DLEU7: variants seen among roughly 807,000 people sequenced by gnomAD.
DLEU7 encodes leukemia-associated protein 7.
Under a neutral mutation model 16.0 loss-of-function variants are expected in DLEU7, and 17 were observed. The observed-to-expected ratio is 1.06, with a 90% CI of 0.73 to 1.59. The LOEUF (loss-of-function observed/expected upper bound fraction) is 1.59. DLEU7 is among the 40% of genes most tolerant of loss of function. DLEU7 has a pLI of 0.00. For missense variants in DLEU7, 308 were observed against 314.9 expected, an observed-to-expected ratio of 0.98 and a Z score of 0.17; for synonymous variants, 113 against 139.8, an observed-to-expected ratio of 0.81 and a Z score of 1.35.
At chr13:50,781,708 T>A (rs1875653736) in intron 1 of DLEU7, among the ~76,000 whole-genome samples, 1 of 152,170 alleles carries the variant, frequency 6.6e-6, no homozygotes, top group South Asian at 2.1e-4. Context: ...CCGGGAAGAC[T>A]CCTATCTGTC....
chr13:50,828,190 ACTAATCACAAG>A (rs964738559), intron 1 of DLEU7, among the ~76,000 whole-genome samples: 1 of 152,226 alleles, frequency 6.6e-6, no homozygotes, highest in African/African-American at 2.4e-5. Flanking sequence ...ACTGAAAAAC[ACTAATCACAAG>A]CTTGAGCCAA....
At chr13:50,713,907 A>G (rs1873364907) in intron 1 of DLEU7, among the ~76,000 whole-genome samples, 1 of 152,210 alleles carries the variant, frequency 6.6e-6, no homozygotes. Flanking sequence ...AAAACGACCC[A>G]GACTCTGCCC....
intron 1 of DLEU7, among the ~76,000 whole-genome samples, chr13:50,721,306 G>C (rs1873603777): frequency 6.6e-6 from 1 of 152,152 alleles, no homozygotes; most frequent in Admixed American, 6.5e-5. Context: ...CCTACTTTTG[G>C]GGTTTTGGGA....
intron 1 of DLEU7, among the ~76,000 whole-genome samples, chr13:50,824,222 G>A (rs562872532): frequency 6.6e-6 from 1 of 152,276 alleles, no homozygotes; most frequent in East Asian, 1.9e-4. Context: ...TTCCCAGGTA[G>A]TTTAAAAGAA....
chr13:50,791,999 A>G (rs1875972572), intron 1 of DLEU7, among the ~76,000 whole-genome samples: 1 of 152,070 alleles, frequency 6.6e-6, no homozygotes. Flanking sequence ...AATCTCTTAC[A>G]TTTTTTTAGG....
chr13:50,717,701 T>A (rs1873479142), intron 1 of DLEU7, among the ~76,000 whole-genome samples: 1 of 152,092 alleles, frequency 6.6e-6, no homozygotes, highest in African/African-American at 2.4e-5. Flanking sequence ...ACTGAGAATC[T>A]GATAGCATAG....
intron 1 of DLEU7, among the ~76,000 whole-genome samples, chr13:50,839,553 T>G (rs1378044268): frequency 6.6e-6 from 1 of 152,202 alleles, no homozygotes; most frequent in East Asian, 1.9e-4. Flanking sequence ...GGTGGATTGA[T>G]CAGTGAGTCA....
upstream of DLEU7, chr13:50,843,738 A>C: frequency 7.0e-7 from 1 of 1,437,550 alleles, no homozygotes; most frequent in Non-Finnish European, 9.1e-7. The surrounding 1 kb of genome is among the most constrained non-coding windows in gnomAD (Gnocchi z 5.7). Context: ...CACATTTTCT[A>C]ACCCGCGGCT....
intron 1 of DLEU7, among the ~76,000 whole-genome samples, chr13:50,797,741 A>G (rs1876142518): frequency 6.6e-6 from 1 of 152,188 alleles, no homozygotes; most frequent in African/African-American, 2.4e-5. Flanking sequence ...TGCGGAGTAC[A>G]CTGAATATCC....
intron 1 of DLEU7, among the ~76,000 whole-genome samples, chr13:50,795,285 C>G (rs73495683): frequency 6.6e-6 from 1 of 152,134 alleles, no homozygotes; most frequent in Non-Finnish European, 1.5e-5. Context: ...CCAACTTTAC[C>G]TGTGAGATCA....
intron 1 of DLEU7, among the ~76,000 whole-genome samples, chr13:50,794,276 T>G (rs533114077): frequency 1.3e-5 from 2 of 150,086 alleles, no homozygotes; most frequent in Non-Finnish European, 2.9e-5. Flanking sequence ...AGAGTTTACA[T>G]TTTTAAAAAA....
chr13:50,780,759 G>C (rs1050036356), intron 1 of DLEU7, among the ~76,000 whole-genome samples: 1 of 152,176 alleles, frequency 6.6e-6, no homozygotes, highest in Non-Finnish European at 1.5e-5. Flanking sequence ...GGTGGAGAAG[G>C]CCTGTGGTCA....
At chr13:50,788,967 C>T (rs1245528682) in intron 1 of DLEU7, among the ~76,000 whole-genome samples, 1 of 152,062 alleles carries the variant, frequency 6.6e-6, no homozygotes, top group African/African-American at 2.4e-5. Flanking sequence ...CTAGGAAGTC[C>T]GCAGCCGAGT....
downstream of DLEU7, chr13:50,822,636 T>A: frequency 2.0e-6 from 2 of 984,400 alleles, no homozygotes; most frequent in Non-Finnish European, 2.4e-6. Context: ...CTTTTCCACA[T>A]GAGACTTTAA....
intron 1 of DLEU7, among the ~76,000 whole-genome samples, chr13:50,731,491 C>A (rs1014564890): frequency 6.6e-6 from 1 of 152,126 alleles, no homozygotes; most frequent in African/African-American, 2.4e-5. Flanking sequence ...ATTGTGATAA[C>A]ATATTTCTCC....
chr13:50,752,900 G>GC (rs1280897026), intron 1 of DLEU7, among the ~76,000 whole-genome samples: 1 of 152,056 alleles, frequency 6.6e-6, no homozygotes, highest in African/African-American at 2.4e-5. Flanking sequence ...CTCTTATCTG[G>GC]CCCCACCCAC....
chr13:50,767,937 G>T lies in DLEU7; in HGVS notation c.460-54697C>A, dbSNP rs533825695. Among the ~76,000 whole-genome samples, 7 of 152,284 alleles carry T rather than the reference G, an allele frequency of 4.6e-5. 1 individual carries two copies. The East Asian group carries it at 1.2e-3, about 25-fold the overall frequency. ...GTGAGAACCATGTCAGCAGTCCCAC[G>T]GGACAAACACTTCTGCCATTCTGTG... On this transcript the variant is annotated intron_variant, in intron 1 of 1. Transcript: ENST00000400393.
intron 1 of DLEU7, among the ~76,000 whole-genome samples, chr13:50,795,593 TA>T (rs1254667668): frequency 6.6e-5 from 10 of 152,334 alleles, no homozygotes; most frequent in African/African-American, 2.4e-4. Flanking sequence ...TTTCTAAATT[TA>T]AACTGTACTT....
chr13:50,800,459 G>A (rs6561593), intron 1 of DLEU7, among the ~76,000 whole-genome samples: 27,577 of 151,948 alleles, frequency 0.18, 4,291 homozygotes, highest in African/African-American at 0.42. Flanking sequence ...AGGAATGAAG[G>A]GGCCTCCTCA....
Sources: allele counts gnomAD v4.1 joint callset (sites outside exome capture counted in the v4.1 genomes callset), GRCh38; gene constraint gnomAD v4.1.1; non-coding constraint Gnocchi (gnomAD v3.1); transcripts MANE v1.5; gene names NCBI Gene and HGNC (gene_info 2026-07-23, HGNC 2026-07-21).